The following VPS13B variants were observed in gnomAD, a reference collection of about 807,000 sequenced individuals.
VPS13B encodes the protein intermembrane lipid transfer protein VPS13B.
VPS13B carries 285 observed loss-of-function variants against 426.4 expected under a neutral mutation model. The observed-to-expected ratio is 0.67, with a 90% CI of 0.61 to 0.74. The LOEUF is 0.74. Ranked by LOEUF, VPS13B falls within the 30% of genes least tolerant of loss-of-function variation. VPS13B has a pLI of 0.00. For synonymous variants in VPS13B, 1,676 were observed against 1,676.4 expected (o/e 1.00, Z 0.01); for missense variants, 4,537 against 4,782.6 (o/e 0.95, Z 1.51).
chr8:99,422,677 A>T (rs148765122), intron 21 of VPS13B, among the ~76,000 whole-genome samples: 5 of 152,324 alleles, frequency 3.3e-5, no homozygotes, highest in African/African-American at 1.2e-4. Context: ...CCAAATAAGT[A>T]CAAAGTTAAT....
At chr8:99,024,880 T>C (rs550197325) in intron 2 of VPS13B, among the ~76,000 whole-genome samples, 7 of 152,314 alleles carry the variant, frequency 4.6e-5, no homozygotes, top group Admixed American at 3.9e-4. Context: ...TCTGTAGATC[T>C]TTTTGGGTCA....
chr8:99,275,079 A>G lies in VPS13B; in HGVS notation c.2651-2A>G. On this transcript the variant is annotated splice_acceptor_variant, in intron 18 of 61. Coordinates refer to ENST00000357162, the MANE Select transcript of VPS13B (RefSeq NM_152564.5). LOFTEE classifies it high-confidence loss of function. ...TATTGTTTTATAAATATTTCTTTTC[A>G]GTTGATAGTGGAAAAGAGAAGTTGA... 6.3e-7 allele frequency: 1 copy of G among 1,596,872 alleles called. No individual in the cohort carries two copies. The highest frequency in any genetic ancestry group is 1.2e-5 in the South Asian group (1 of 86,560).
chr8:99,560,444 A>G (rs778414313), intron 31 of VPS13B, among the ~76,000 whole-genome samples: 1 of 152,130 alleles, frequency 6.6e-6, no homozygotes, highest in Non-Finnish European at 1.5e-5. Flanking sequence ...ATTTTATTCT[A>G]ATTACTTATA....
chr8:99,331,052 T>C (rs1810515986), intron 19 of VPS13B, among the ~76,000 whole-genome samples: 1 of 151,860 alleles, frequency 6.6e-6, no homozygotes, highest in East Asian at 1.9e-4. Context: ...TAGATAATTT[T>C]ATGAACTATC....
intron 5 of VPS13B, among the ~76,000 whole-genome samples, chr8:99,110,029 A>T: frequency 6.6e-6 from 1 of 152,246 alleles, no homozygotes; most frequent in Non-Finnish European, 1.5e-5. Context: ...TAACTAAATC[A>T]TTATTCATAT....
rs531949225 is a variant in VPS13B at position 99,794,814 on chromosome 8, A to G, written c.7941+10338A>G. Among the ~76,000 whole-genome samples, 7 of 152,312 alleles carry G rather than the reference A, an allele frequency of 4.6e-5. No individual in the cohort carries two copies. The South Asian group carries it at 1.2e-3, about 27-fold the overall frequency. On this transcript the variant is annotated intron_variant, in intron 43 of 61. Coordinates refer to ENST00000357162, the MANE Select transcript of VPS13B (RefSeq NM_152564.5). The stretch of plus-strand genomic sequence containing the variant: ...ATTAACACCCATGTATCTTTTAGAT[A>G]AGCCCTTCTCTACTTTAAGATTTTT...
intron 61 of VPS13B, 58 bp downstream of exon 61, chr8:99,871,755 G>A: frequency 1.2e-6 from 2 of 1,609,772 alleles, no homozygotes; most frequent in South Asian, 2.2e-5. Flanking sequence ...TGAGGAGCAG[G>A]CTGGTCACTG....
At chr8:99,079,545 T>C (rs946502655) in intron 3 of VPS13B, among the ~76,000 whole-genome samples, 2 of 152,220 alleles carry the variant, frequency 1.3e-5, no homozygotes, top group African/African-American at 4.8e-5. Flanking sequence ...TTAATGAATA[T>C]TAAATAATGA....
chr8:99,670,040 A>T (rs1352800851), intron 35 of VPS13B, among the ~76,000 whole-genome samples: 1 of 152,114 alleles, frequency 6.6e-6, no homozygotes, highest in Non-Finnish European at 1.5e-5. Context: ...TGTTTATATG[A>T]ATATAAAGTA....
intron 19 of VPS13B, among the ~76,000 whole-genome samples, chr8:99,334,978 A>T (rs530387883): frequency 6.6e-6 from 1 of 152,078 alleles, no homozygotes; most frequent in Non-Finnish European, 1.5e-5. Context: ...CTGTAAATCC[A>T]TCTGGTCCTG....
intron 39 of VPS13B, among the ~76,000 whole-genome samples, chr8:99,765,812 T>A (rs1443848034): frequency 2.0e-5 from 3 of 152,358 alleles, no homozygotes; most frequent in East Asian, 3.9e-4. Context: ...CAGTTTACTT[T>A]TTAAAATTTG....
intron 3 of VPS13B, among the ~76,000 whole-genome samples, chr8:99,059,356 G>T (rs1844053725): frequency 6.6e-6 from 1 of 152,246 alleles, no homozygotes; most frequent in East Asian, 1.9e-4. Context: ...TGTATTTTTG[G>T]TAGAGACGGG....
chr8:99,435,293 G>A (rs1340153374), intron 22 of VPS13B, among the ~76,000 whole-genome samples: 6 of 152,098 alleles, frequency 3.9e-5, no homozygotes, highest in South Asian at 2.1e-4. Context: ...GATAATAGAA[G>A]TAGTTATATT....
rs186644576 is a variant in VPS13B at position 99,170,112 on chromosome 8, C to A, written c.2282C>A (p.Pro761His). The A allele has an allele frequency of 1.8e-4, 293 of 1,612,888 alleles. No homozygotes were observed. The highest frequency in any genetic ancestry group is 2.3e-4 in the Non-Finnish European group (272 of 1,179,088). ...GSYCLPVPVI[P>H]SFSTALYGKL... ...TACTGCTTACCTGTACCAGTTATTC[C>A]CTCTTTCAGCACTGCTCTTTATGGG... Residue 761 changes from proline (P) to histidine (H), a missense_variant, in exon 16 of 62, where the codon CCC (proline) becomes CAC (histidine). By Grantham distance (77) the Pro-to-His change is moderately conservative. Transcript: ENST00000357162.
At chr8:99,558,558 C>T (rs537643725) in intron 31 of VPS13B, among the ~76,000 whole-genome samples, 2 of 152,110 alleles carry the variant, frequency 1.3e-5, no homozygotes, top group African/African-American at 4.8e-5. Flanking sequence ...ATCTCTCCCC[C>T]CTACCCCCAC....
chr8:99,566,998 C>T (rs577791858), intron 31 of VPS13B, among the ~76,000 whole-genome samples: 7 of 152,102 alleles, frequency 4.6e-5, no homozygotes, highest in African/African-American at 7.2e-5. Flanking sequence ...TGGGCTCTAA[C>T]GATCCTCCTG....
At chr8:99,316,073 G>T (rs983411994) in intron 19 of VPS13B, among the ~76,000 whole-genome samples, 1 of 152,174 alleles carries the variant, frequency 6.6e-6, no homozygotes, top group Non-Finnish European at 1.5e-5. Context: ...CATAGGTTGG[G>T]CTAGCTGTGG....
At chr8:99,760,323 C>A (rs1457354080) in intron 39 of VPS13B, among the ~76,000 whole-genome samples, 2 of 152,158 alleles carry the variant, frequency 1.3e-5, no homozygotes, top group East Asian at 3.8e-4. Context: ...TATCCAAAAT[C>A]TTTGAAAAAT....
intron 23 of VPS13B, among the ~76,000 whole-genome samples, chr8:99,458,501 T>C (rs1818639544): frequency 6.6e-6 from 1 of 152,158 alleles, no homozygotes; most frequent in Admixed American, 6.5e-5. Flanking sequence ...CACACTGACT[T>C]CCACAATGGT....
Sources: allele counts gnomAD v4.1 joint callset (sites outside exome capture counted in the v4.1 genomes callset), GRCh38; gene constraint gnomAD v4.1.1; transcripts MANE v1.5; gene names NCBI Gene and HGNC (gene_info 2026-07-23, HGNC 2026-07-21).